The following VPS13A variants were observed in gnomAD, a reference collection of about 807,000 sequenced individuals.
VPS13A encodes intermembrane lipid transfer protein VPS13A.
Under a neutral mutation model 390.9 loss-of-function variants are expected in VPS13A, and 264 were observed. The observed-to-expected ratio is 0.68, with a 90% CI of 0.61 to 0.75. VPS13A has a LOEUF of 0.75. VPS13A is among the 30% of genes least tolerant of loss of function. VPS13A has a pLI of 0.00. For missense variants in VPS13A, 3,409 were observed against 3,733.9 expected (o/e 0.91, Z 2.27); for synonymous variants, 1,231 against 1,227.1 (o/e 1.00, Z -0.07).
intron 62 of VPS13A, 85 bp downstream of exon 62, chr9:77,368,221 A>G (rs1832544938): frequency 6.4e-6 from 7 of 1,093,870 alleles, no homozygotes; most frequent in Admixed American, 2.0e-5. Flanking sequence ...ATGTGGAACT[A>G]TTGAGGAACT....
In VPS13A at chr9:77,357,855, A is replaced by G; in HGVS notation, c.7953+17A>G. 6.2e-7 allele frequency: 1 copy of G among 1,608,612 alleles called. No homozygotes were observed. The highest frequency in any genetic ancestry group is 8.5e-7 in the Non-Finnish European group (1 of 1,175,862). On this transcript the variant is annotated intron_variant, in intron 56 of 71. Transcript: ENST00000360280. ...AGAATACAGGTAAGTCTTTCTGAAAATATAGGCAAAATTGTATTCTAAAGG... is the reference window on the plus strand; with the variant it reads ...AGAATACAGGTAAGTCTTTCTGAAAGTATAGGCAAAATTGTATTCTAAAGG...
At position 77,260,240 on chromosome 9, in the gene VPS13A, A is replaced by C. The variant is rs765437009; in HGVS notation, c.2427+16A>C. The stretch of plus-strand genomic sequence containing the variant: ...ATCATTCCAGGTAATGTTACTTTCA[A>C]AATTAATATAAGCATGAATTAAGAA... On this transcript the variant is annotated intron_variant, in intron 23 of 71. Transcript: ENST00000360280. The C allele has an allele frequency of 1.2e-6, 2 of 1,610,502 alleles. No homozygotes were observed. The highest frequency in any genetic ancestry group is 2.2e-5 in the South Asian group (2 of 90,490).
intron 35 of VPS13A, among the ~76,000 whole-genome samples, chr9:77,310,085 A>C (rs1828982470): frequency 6.6e-6 from 1 of 152,182 alleles, no homozygotes; most frequent in South Asian, 2.1e-4. Flanking sequence ...AAAATGTGAA[A>C]AGAAAATAAT....
In VPS13A at chr9:77,177,609, G is replaced by A. The variant is rs748466516; in HGVS notation, c.-96G>A. On this transcript the variant is annotated 5_prime_UTR_variant, in exon 1 of 72. Coordinates refer to ENST00000360280, the MANE Select transcript of VPS13A (RefSeq NM_033305.3). The stretch of plus-strand genomic sequence containing the variant: ...GCGCCGCAGCTGAAGCCGCCCCGGA[G>A]CCGGTGAACCGAATTACCTCGAGGG... 11 of 1,177,030 alleles carry A rather than the reference G, an allele frequency of 9.3e-6. No homozygotes were observed. The highest frequency in any genetic ancestry group is 1.5e-5 in the African/African-American group (1 of 66,264). The allele number at this position is 1,177,030 out of a possible 1,614,324, so 72.9% of individuals were successfully genotyped here.
Position 77,407,603 on chromosome 9 carries a change from C to G in VPS13A, c.9470C>G (p.Ala3157Gly). 6.2e-7 allele frequency: 1 copy of G among 1,608,544 alleles called. No homozygotes were observed. The highest frequency in any genetic ancestry group is 8.5e-7 in the Non-Finnish European group (1 of 1,175,326). Reference protein sequence around the residue: ...KIINFKTPEDARWILTKLQEA... With the variant: ...KIINFKTPEDGRWILTKLQEA... ...ATTAACTTCAAGACCCCAGAGGATG[C>G]CAGGGTAAATATAATAAATCTTTTA... Residue 3157 changes from alanine (A) to glycine (G), a missense_variant, in exon 71 of 72, where the codon GCC (alanine) becomes GGC (glycine). By Grantham distance (60) the Ala-to-Gly change is moderately conservative. This residue lies in a region of VPS13A where 318 missense variants were observed against 333.7 expected (regional missense o/e 0.95). Coordinates refer to ENST00000360280, the MANE Select transcript of VPS13A (RefSeq NM_033305.3).
intron 67 of VPS13A, among the ~76,000 whole-genome samples, chr9:77,381,211 C>A (rs1833416055): frequency 6.6e-6 from 1 of 152,086 alleles, no homozygotes; most frequent in Non-Finnish European, 1.5e-5. Flanking sequence ...TGGCATGGGG[C>A]TCAAACTATC....
At chr9:77,314,445 C>T in intron 36 of VPS13A, 50 bp from the exon 37 acceptor site, 2 of 1,553,806 alleles carry the variant, frequency 1.3e-6, no homozygotes, top group Non-Finnish European at 1.8e-6. Context: ...ATGAAATACA[C>T]TTTAGACTTG....
chr9:77,407,393 C>T, intron 70 of VPS13A, 140 bp from the exon 71 acceptor site: 3 of 627,774 alleles, frequency 4.8e-6, no homozygotes, highest in South Asian at 2.1e-5. Context: ...TTCTTGCTTC[C>T]TCATTCTTGT....
chr9:77,408,494 A>T (rs1317945208), intron 71 of VPS13A, among the ~76,000 whole-genome samples: 1 of 152,230 alleles, frequency 6.6e-6, no homozygotes, highest in African/African-American at 2.4e-5. Flanking sequence ...AGGGCGAGGC[A>T]TCACCTCACC....
Position 77,420,027 on chromosome 9 carries a change from G to C in VPS13A, c.*4021G>C, listed in dbSNP as rs532651719. ...CATTCTGTATGCAGGACTCAATACA[G>C]ACTTAGTCAATCTGATTTTTTTTGG... On this transcript the variant is annotated 3_prime_UTR_variant, in exon 72 of 72. Transcript: ENST00000360280. 1 of 152,290 alleles carries C rather than the reference G, an allele frequency of 6.6e-6. No homozygotes were observed. Among genetic ancestry groups the C allele is most frequent in the African/African-American group, 2.4e-5 (1 of 41,564 alleles). The allele number at this position is 152,290 out of a possible 1,614,324, so 9.4% of individuals were successfully genotyped here. A position where few individuals can be genotyped will look rare whatever the true frequency, so the allele number is the denominator to read the frequency against.
Position 77,250,171 on chromosome 9 carries a change from A to C in VPS13A, c.2112A>C (p.Arg704Ser). ...CCAATCTTAAAGAGATAATGGATAG[A>C]GCTTATGATTCATTTGATATTCAAC... is the stretch of plus-strand genomic sequence containing the variant. ...GEANLKEIMDRAYDSFDIQLT... is the reference protein window; with the variant it reads ...GEANLKEIMDSAYDSFDIQLT... The change falls in exon 21 of 72, where the codon AGA becomes AGC. Residue 704 changes from arginine (R) to serine (S), a missense_variant. Physicochemically the swap from Arg to Ser is moderately radical, Grantham distance 110. Transcript: ENST00000360280. 1 of 1,613,868 alleles carries C rather than the reference A, an allele frequency of 6.2e-7. No individual in the cohort carries two copies. Among genetic ancestry groups the C allele is most frequent in the Non-Finnish European group, 8.5e-7 (1 of 1,179,904 alleles).
At chr9:77,183,363 A>G (rs1405936609) in intron 1 of VPS13A, among the ~76,000 whole-genome samples, 1 of 152,180 alleles carries the variant, frequency 6.6e-6, no homozygotes, top group African/African-American at 2.4e-5. Context: ...TGTAAACCGT[A>G]TCTTCTAACC....
chr9:77,286,383 A>T (rs753506905), intron 31 of VPS13A, among the ~76,000 whole-genome samples: 2 of 152,162 alleles, frequency 1.3e-5, no homozygotes, highest in Non-Finnish European at 2.9e-5. Flanking sequence ...ATTAAATGGG[A>T]GAGTTCACCA....
At chr9:77,372,891 T>A (rs1245553024) in intron 67 of VPS13A, among the ~76,000 whole-genome samples, 1 of 151,832 alleles carries the variant, frequency 6.6e-6, no homozygotes, top group African/African-American at 2.4e-5. Context: ...CACAATTGCT[T>A]CAAAGAGAAT....
At chr9:77,409,199 C>T (rs1382740336) in intron 71 of VPS13A, among the ~76,000 whole-genome samples, 3 of 152,348 alleles carry the variant, frequency 2.0e-5, no homozygotes, top group East Asian at 3.9e-4. Context: ...TGGAGTGGAC[C>T]TCCAGCAAAC....
intron 68 of VPS13A, among the ~76,000 whole-genome samples, chr9:77,401,713 C>T (rs1381499429): frequency 6.6e-6 from 1 of 152,060 alleles, no homozygotes; most frequent in Non-Finnish European, 1.5e-5. Context: ...TCTAAGTTTT[C>T]AAAATTATTT....
At chr9:77,265,466 A>G (rs999320274) in intron 23 of VPS13A, among the ~76,000 whole-genome samples, 1 of 152,094 alleles carries the variant, frequency 6.6e-6, no homozygotes, top group Non-Finnish European at 1.5e-5. Context: ...TACTGCCTCA[A>G]TTTCGGAACT....
intron 24 of VPS13A, among the ~76,000 whole-genome samples, chr9:77,275,190 T>A (rs532501686): frequency 6.6e-6 from 1 of 152,140 alleles, no homozygotes; most frequent in Non-Finnish European, 1.5e-5. Flanking sequence ...TCCTGTAAAA[T>A]TTAAGCAATT....
chr9:77,177,811 A>G lies in VPS13A; in HGVS notation c.100+7A>G. 6.2e-7 allele frequency: 1 copy of G among 1,606,300 alleles called. No individual in the cohort carries two copies. The highest frequency in any genetic ancestry group is 8.5e-7 in the Non-Finnish European group (1 of 1,176,548). ...TCTCTGGGCATCTGGAAAGGTAAGG[A>G]GGCCGCCGCCGCCGCTCCCCGGCCT... On this transcript the variant is annotated splice_region_variant and intron_variant, in intron 1 of 71. Transcript: ENST00000360280.
Sources: gnomAD v4.1 joint callset for allele counts (sites outside exome capture counted in the v4.1 genomes callset) on GRCh38, gnomAD v4.1.1 for gene constraint, gnomAD v4.1.1 regional missense constraint, MANE v1.5 for transcripts, NCBI Gene and HGNC (gene_info 2026-07-23, HGNC 2026-07-21) for gene names.